CYYR1: variants seen among roughly 807,000 people sequenced by gnomAD.
The protein encoded by CYYR1 is cysteine and tyrosine rich 1, also known as cysteine and tyrosine-rich protein 1.
CYYR1 carries 14 observed loss-of-function variants against 15.2 expected under a neutral mutation model. The observed-to-expected ratio is 0.92, with a 90% confidence interval of 0.61 to 1.44. The LOEUF (loss-of-function observed/expected upper bound fraction) is 1.44, where lower values mean the gene tolerates loss of function less well. Ranked by LOEUF, CYYR1 falls within the 40% of genes most tolerant of loss-of-function variation. The pLI, the probability that CYYR1 is intolerant of heterozygous loss-of-function variation, is 0.00. For missense variants in CYYR1, 228 were observed against 209.5 expected, an observed-to-expected ratio of 1.09 and a Z score of -0.54; for synonymous variants, 80 against 77.4, an observed-to-expected ratio of 1.03 and a Z score of -0.18.
intron 2 of CYYR1, among the ~76,000 whole-genome samples, chr21:26,537,772 CT>C (rs1218758002): frequency 1.3e-5 from 2 of 152,070 alleles, no homozygotes; most frequent in Non-Finnish European, 2.9e-5. Context: ...ACGTTGACCC[CT>C]AATCACCCAT....
intron 2 of CYYR1, among the ~76,000 whole-genome samples, chr21:26,487,025 A>G (rs2123425990): frequency 1.3e-5 from 2 of 152,212 alleles, no homozygotes; most frequent in East Asian, 3.9e-4. Context: ...CAGTCCCAAT[A>G]AAGTAGAAAA....
chr21:26,533,039 T>A (rs114195397), intron 2 of CYYR1, among the ~76,000 whole-genome samples: 7,602 of 151,844 alleles, frequency 0.05, 223 homozygotes, highest in South Asian at 0.064. Flanking sequence ...AATTCTTAAG[T>A]CTGAAATACT....
intron 1 of CYYR1, among the ~76,000 whole-genome samples, chr21:26,567,576 C>T (rs1475407290): frequency 6.6e-6 from 1 of 152,056 alleles, no homozygotes; most frequent in Non-Finnish European, 1.5e-5. Flanking sequence ...GTTTCAGATA[C>T]ATGATTAGGA....
At chr21:26,562,834 A>ACACACACAC in intron 2 of CYYR1, among the ~76,000 whole-genome samples, 1 of 151,266 alleles carries the variant, frequency 6.6e-6, no homozygotes, top group African/African-American at 2.4e-5. Context: ...ACACACGGAC[A>ACACACACAC]GACTTAGCTT....
intron 2 of CYYR1, among the ~76,000 whole-genome samples, chr21:26,560,177 CT>C (rs1315619701): frequency 6.6e-6 from 1 of 152,012 alleles, no homozygotes; most frequent in African/African-American, 2.4e-5. Flanking sequence ...TACTGGATTC[CT>C]TACTGGATAT....
At chr21:26,528,901 G>A (rs532790214) in intron 2 of CYYR1, among the ~76,000 whole-genome samples, 1 of 152,300 alleles carries the variant, frequency 6.6e-6, no homozygotes, top group East Asian at 1.9e-4. Context: ...TCTCTTATAA[G>A]CCTTTTCAAC....
chr21:26,525,039 T>A (rs575145743), intron 2 of CYYR1, among the ~76,000 whole-genome samples: 1 of 152,324 alleles, frequency 6.6e-6, no homozygotes, highest in Admixed American at 6.5e-5. Flanking sequence ...CCCTTTCTGA[T>A]GCCCTACATG....
intron 2 of CYYR1, among the ~76,000 whole-genome samples, chr21:26,537,556 A>G (rs1237628993): frequency 6.6e-6 from 1 of 152,150 alleles, no homozygotes; most frequent in East Asian, 1.9e-4. Flanking sequence ...GTTACAGAGA[A>G]GAGCACACGC....
intron 3 of CYYR1, chr21:26,477,931 T>G: frequency 5.3e-6 from 7 of 1,316,340 alleles, no homozygotes; most frequent in Non-Finnish European, 6.8e-6. Flanking sequence ...AAATTGCATG[T>G]TACTTTTGTA....
intron 2 of CYYR1, among the ~76,000 whole-genome samples, chr21:26,500,781 G>A (rs916821981): frequency 4.6e-5 from 7 of 152,060 alleles, no homozygotes; most frequent in African/African-American, 1.7e-4. Flanking sequence ...TGGAAGATGG[G>A]GATAAGCCTT....
intron 2 of CYYR1, among the ~76,000 whole-genome samples, chr21:26,537,355 C>G (rs972772758): frequency 6.6e-6 from 1 of 152,096 alleles, no homozygotes; most frequent in African/African-American, 2.4e-5. Context: ...CAACTCAGAA[C>G]ACATAAAGGG....
chr21:26,542,290 C>CGCGT (rs1491314734), intron 2 of CYYR1, among the ~76,000 whole-genome samples: 2 of 128,162 alleles, frequency 1.6e-5, no homozygotes, highest in South Asian at 2.7e-4. Flanking sequence ...TGTGTGTGTG[C>CGCGT]GTGTGTGTGT....
At chr21:26,531,214 T>G (rs2065926392) in intron 2 of CYYR1, among the ~76,000 whole-genome samples, 1 of 152,166 alleles carries the variant, frequency 6.6e-6, no homozygotes, top group Non-Finnish European at 1.5e-5. Flanking sequence ...ACATTTTGCA[T>G]CAGTGGCTCA....
chr21:26,548,487 C>T (rs954102973), intron 2 of CYYR1, among the ~76,000 whole-genome samples: 2 of 152,228 alleles, frequency 1.3e-5, no homozygotes, highest in African/African-American at 4.8e-5. Flanking sequence ...GTTGAGATTA[C>T]AGGCGTGTGT....
chr21:26,556,715 A>G (rs1044342582), intron 2 of CYYR1, among the ~76,000 whole-genome samples: 1 of 152,124 alleles, frequency 6.6e-6, no homozygotes, highest in Non-Finnish European at 1.5e-5. Flanking sequence ...CACTATCACA[A>G]GAACAGCAAG....
intron 2 of CYYR1, among the ~76,000 whole-genome samples, chr21:26,486,419 T>C (rs748933927): frequency 6.6e-6 from 1 of 152,012 alleles, no homozygotes; most frequent in Non-Finnish European, 1.5e-5. Context: ...AAACCTATGA[T>C]CTATTTTTGT....
intron 2 of CYYR1, among the ~76,000 whole-genome samples, chr21:26,527,387 C>T (rs1297389561): frequency 6.6e-6 from 1 of 151,994 alleles, no homozygotes; most frequent in African/African-American, 2.4e-5. Flanking sequence ...AAATATAACC[C>T]AATTTACATA....
At chr21:26,473,532 G>C (rs893964252) in intron 3 of CYYR1, among the ~76,000 whole-genome samples, 6 of 152,124 alleles carry the variant, frequency 3.9e-5, no homozygotes, top group Admixed American at 3.9e-4. Flanking sequence ...GGAAGGCTTT[G>C]CACATCGATT....
chr21:26,552,066 A>G (rs1298935719), intron 2 of CYYR1: 1 of 152,280 alleles, frequency 6.6e-6, no homozygotes, highest in Non-Finnish European at 1.5e-5. Context: ...TCCAGCAAAA[A>G]AATTACAACA....
Sources: gnomAD v4.1 joint callset for allele counts (sites outside exome capture counted in the v4.1 genomes callset) on GRCh38, gnomAD v4.1.1 for gene constraint, MANE v1.5 for transcripts, NCBI Gene and HGNC (gene_info 2026-07-23, HGNC 2026-07-21) for gene names.